Variants in ANKRD34C observed in about 807,000 individuals in gnomAD.
The protein encoded by ANKRD34C is ankyrin repeat domain-containing protein 34C.
For synonymous variants in ANKRD34C, 260 were observed against 253.6 expected (o/e 1.03, Z -0.24); for missense variants, 563 against 653.0 (o/e 0.86, Z 1.50).
In ANKRD34C at chr15:79,297,074, C is replaced by T. The variant is rs2058674092; in HGVS notation, c.*2182C>T. 1 of 167,058 alleles carries T rather than the reference C, an allele frequency of 6.0e-6. No homozygotes were observed. The highest frequency in any genetic ancestry group is 6.5e-5 in the Admixed American group (1 of 15,288). 10.3% of individuals were successfully genotyped at this position (167,058 alleles called of 1,614,324 possible). A position where few individuals can be genotyped will look rare whatever the true frequency, so the allele number is the denominator to read the frequency against. On this transcript the variant is annotated 3_prime_UTR_variant, in exon 2 of 2. Coordinates refer to ENST00000421388, the MANE Select transcript of ANKRD34C (RefSeq NM_001146341.2). ...GAAGAAAATAAGGAAAGCACATAAA[C>T]TAGCAAAAATCTATAGCTCATGAAC...
In ANKRD34C at chr15:79,295,909, A is replaced by G. The variant is rs909410931; in HGVS notation, c.*1017A>G. On this transcript the variant is annotated 3_prime_UTR_variant, in exon 2 of 2. Transcript: ENST00000421388. ...CATTTCCCCTTCAGTTATGTAAATA[A>G]TTGAAGAAAAATCTGGTTTCTTCTC... is the stretch of plus-strand genomic sequence containing the variant. The G allele has an allele frequency of 1.1e-4, 18 of 167,138 alleles. No individual in the cohort carries two copies. The highest frequency in any genetic ancestry group is 3.4e-4 in the African/African-American group (14 of 41,582). The allele number at this position is 167,138 out of a possible 1,614,324, so 10.4% of individuals were successfully genotyped here.
chr15:79,293,018 C>T (rs1332125951), intron 1 of ANKRD34C, among the ~76,000 whole-genome samples: 1 of 152,196 alleles, frequency 6.6e-6, no homozygotes. Flanking sequence ...CTTATGCAGT[C>T]TTTACAATGA....
In ANKRD34C at chr15:79,295,041, G is replaced by C; in HGVS notation, c.*149G>C. 1 of 869,546 alleles carries C rather than the reference G, an allele frequency of 1.2e-6. No homozygotes were observed. Among genetic ancestry groups the C allele is most frequent in the African/African-American group, 1.7e-5 (1 of 58,492 alleles). 53.9% of individuals were successfully genotyped at this position (869,546 alleles called of 1,614,324 possible). A position where few individuals can be genotyped will look rare whatever the true frequency, so the allele number is the denominator to read the frequency against. On this transcript the variant is annotated 3_prime_UTR_variant, in exon 2 of 2. Coordinates refer to ENST00000421388, the MANE Select transcript of ANKRD34C (RefSeq NM_001146341.2). ...GCTTCACTTCTGAGAATAATCCCTG[G>C]GTTTTTATAGGCCTACTTGAAAAGA...
intron 1 of ANKRD34C, among the ~76,000 whole-genome samples, chr15:79,286,115 T>C (rs1419959142): frequency 6.6e-6 from 1 of 151,988 alleles, no homozygotes; most frequent in East Asian, 1.9e-4. Flanking sequence ...ATTTTAATCT[T>C]CAGTATTTCC....
Position 79,293,655 on chromosome 15 carries a change from T to C in ANKRD34C, c.371T>C (p.Val124Ala). 6.4e-7 allele frequency: 1 copy of C among 1,551,624 alleles called. No individual in the cohort carries two copies. The highest frequency in any genetic ancestry group is 8.7e-7 in the Non-Finnish European group (1 of 1,146,968). ...LEDRTGASAL[V>A]YAINADDKDA... is the part of the protein sequence containing the mutation. The stretch of plus-strand genomic sequence containing the variant: ...GATCGCACTGGGGCTTCAGCTCTGG[T>C]TTATGCAATAAATGCAGATGACAAG... The change falls in exon 2 of 2, where the codon GTT (valine) becomes GCT (alanine). Residue 124 changes from valine to alanine, a missense_variant. Physicochemically the swap from Val to Ala is moderately conservative, Grantham distance 64. Transcript: ENST00000421388.
chr15:79,287,890 C>T (rs2058649437), intron 1 of ANKRD34C, among the ~76,000 whole-genome samples: 1 of 152,224 alleles, frequency 6.6e-6, no homozygotes, highest in African/African-American at 2.4e-5. Flanking sequence ...CTACAAACAG[C>T]CCAGCATAAC....
rs1176182097 is a variant in ANKRD34C at position 79,293,659 on chromosome 15, T to C, written c.375T>C (p.Tyr125=). 1 of 1,551,688 alleles carries C rather than the reference T, an allele frequency of 6.4e-7. No individual in the cohort carries two copies. Among genetic ancestry groups the C allele is most frequent in the Non-Finnish European group, 8.7e-7 (1 of 1,146,978 alleles). ...GCACTGGGGCTTCAGCTCTGGTTTA[T>C]GCAATAAATGCAGATGACAAGGATG... ...EDRTGASALV[Y]AINADDKDAL... Residue 125 remains tyrosine, a synonymous_variant, in exon 2 of 2, where the codon TAT becomes TAC. Transcript: ENST00000421388.
intron 1 of ANKRD34C, among the ~76,000 whole-genome samples, chr15:79,287,865 T>G (rs1295616295): frequency 6.6e-6 from 1 of 152,246 alleles, no homozygotes; most frequent in Admixed American, 6.5e-5. Context: ...ACGCAGCTCT[T>G]ACATCCAGAG....
At position 79,294,923 on chromosome 15, in the gene ANKRD34C, T is replaced by C. The variant is rs1176122793; in HGVS notation, c.*31T>C. On this transcript the variant is annotated 3_prime_UTR_variant, in exon 2 of 2. Coordinates refer to ENST00000421388, the MANE Select transcript of ANKRD34C (RefSeq NM_001146341.2). ...TTAGAAAGGCTTAAAATAGTCAATA[T>C]AGTTTATGGAAGGGACTATGGATGA... The C allele has an allele frequency of 2.0e-6, 3 of 1,490,782 alleles. No individual in the cohort carries two copies. Among genetic ancestry groups the C allele is most frequent in the Non-Finnish European group, 2.7e-6 (3 of 1,123,956 alleles). 92.3% of individuals were successfully genotyped at this position (1,490,782 alleles called of 1,614,324 possible). A position where few individuals can be genotyped will look rare whatever the true frequency, so the allele number is the denominator to read the frequency against.
At position 79,293,258 on chromosome 15, in the gene ANKRD34C, GCTCAGGTCCT is replaced by G. The variant is rs1239114056; in HGVS notation, c.-24_-15del. 21 of 1,478,902 alleles carry G rather than the reference GCTCAGGTCCT, an allele frequency of 1.4e-5. No individual in the cohort carries two copies. In the East Asian group the frequency reaches 4.9e-4, roughly 35 times the overall value. The allele number at this position is 1,478,902 out of a possible 1,614,324, so 91.6% of individuals were successfully genotyped here. On this transcript the variant is annotated 5_prime_UTR_variant, in exon 2 of 2. Transcript: ENST00000421388. ...TTTGCTAGGTTTGATTGCTACTGTG[GCTCAGGTCCT>G]CTAAACTGTAGCCAATATGATGGAT...
Position 79,294,468 on chromosome 15 carries a change from C to G in ANKRD34C, c.1184C>G (p.Ser395Cys), listed in dbSNP as rs1289052304. 1 of 1,551,720 alleles carries G rather than the reference C, an allele frequency of 6.4e-7. No homozygotes were observed. Among genetic ancestry groups the G allele is most frequent in the Non-Finnish European group, 8.7e-7 (1 of 1,146,990 alleles). Reference protein sequence around the residue: ...QPGPDPPNSISLESGKGPLDR... With the variant: ...QPGPDPPNSICLESGKGPLDR... ...GGGCCTGACCCTCCCAACTCCATTT[C>G]CCTTGAATCCGGCAAAGGACCTTTA... Residue 395 changes from serine to cysteine, a missense_variant, in exon 2 of 2, where the codon TCC becomes TGC. By Grantham distance (112) the Ser-to-Cys change is moderately radical (BLOSUM62 -1). Coordinates refer to ENST00000421388, the MANE Select transcript of ANKRD34C (RefSeq NM_001146341.2).
At chr15:79,292,502 G>A (rs1382790423) in intron 1 of ANKRD34C, among the ~76,000 whole-genome samples, 1 of 152,136 alleles carries the variant, frequency 6.6e-6, no homozygotes, top group Non-Finnish European at 1.5e-5. Context: ...GGAATAGCAT[G>A]GCTTTATTCT....
At chr15:79,288,876 A>G (rs2058652560) in intron 1 of ANKRD34C, among the ~76,000 whole-genome samples, 1 of 142,622 alleles carries the variant, frequency 7.0e-6, no homozygotes, top group Admixed American at 7.3e-5. Flanking sequence ...GCTGGAGTAC[A>G]ATGGTACGAT....
rs1462830791 is a variant in ANKRD34C at position 79,283,069 on chromosome 15, C to T, written c.-204C>T. On this transcript the variant is annotated 5_prime_UTR_variant, in exon 1 of 2. Coordinates refer to ENST00000421388, the MANE Select transcript of ANKRD34C (RefSeq NM_001146341.2). Reference sequence around the variant, plus strand: ...AGGACCCGCGGGGCCCGGGGTAGCCCCAGCTCCCGGCGCTGGTTCAGTCTG... The same window carrying T: ...AGGACCCGCGGGGCCCGGGGTAGCCTCAGCTCCCGGCGCTGGTTCAGTCTG... 6.6e-6 allele frequency among the ~76,000 whole-genome samples: 1 copy of T among 152,196 alleles called. No individual in the cohort carries two copies. Among genetic ancestry groups the T allele is most frequent in the African/African-American group, 2.4e-5 (1 of 41,450 alleles).
chr15:79,286,150 G>T (rs2058644083), intron 1 of ANKRD34C, among the ~76,000 whole-genome samples: 1 of 144,138 alleles, frequency 6.9e-6, no homozygotes, highest in Non-Finnish European at 1.5e-5. Context: ...GCCATTGGAA[G>T]ATATAGTGGC....
chr15:79,289,525 AC>A (rs2141201422), intron 1 of ANKRD34C, among the ~76,000 whole-genome samples: 1 of 152,256 alleles, frequency 6.6e-6, no homozygotes, highest in African/African-American at 2.4e-5. Context: ...TCTCCTACAT[AC>A]GCCATCTTTC....
Position 79,282,767 on chromosome 15 carries a change from GC to G in ANKRD34C, c.-505del, listed in dbSNP as rs1463689562. ...GGCTGGAGAGCTGCTCTCGGCGCCA[GC>G]GGGCAGCAGCGCGTCGTCAGCCAGC... is the stretch of plus-strand genomic sequence containing the variant. On this transcript the variant is annotated 5_prime_UTR_variant, in exon 1 of 2. Coordinates refer to ENST00000421388, the MANE Select transcript of ANKRD34C (RefSeq NM_001146341.2). Among the ~76,000 whole-genome samples, 6 of 152,362 alleles carry G rather than the reference GC, an allele frequency of 3.9e-5. No individual in the cohort carries two copies. In the East Asian group the frequency reaches 9.7e-4, roughly 25 times the overall value.
chr15:79,294,283 T>C lies in ANKRD34C; in HGVS notation c.999T>C (p.Tyr333=), dbSNP rs1394162502. The C allele has an allele frequency of 6.4e-7, 1 of 1,551,548 alleles. No homozygotes were observed. The highest frequency in any genetic ancestry group is 8.7e-7 in the Non-Finnish European group (1 of 1,146,966). Residue 333 remains tyrosine, a synonymous_variant, in exon 2 of 2, where the codon TAT becomes TAC. Transcript: ENST00000421388. ...CACCGGCATCCTGGAAAGCAGCCTA[T>C]GAGAAAGGTCAGGCTCCCCACCCAC... ...SSAPASWKAA[Y]EKGQAPHPRL...
At position 79,294,255 on chromosome 15, in the gene ANKRD34C, C is replaced by T; in HGVS notation, c.971C>T (p.Ser324Leu). Residue 324 changes from serine (S) to leucine (L), a missense_variant, in exon 2 of 2, where the codon TCA becomes TTA. Coordinates refer to ENST00000421388, the MANE Select transcript of ANKRD34C (RefSeq NM_001146341.2). ...TEQVLKIPVSSAPASWKAAYE... is the reference protein window; with the variant it reads ...TEQVLKIPVSLAPASWKAAYE... ...CAGGTTCTGAAGATTCCAGTCTCTT[C>T]AGCACCGGCATCCTGGAAAGCAGCC... The T allele has an allele frequency of 6.4e-7, 1 of 1,551,636 alleles. No homozygotes were observed. Among genetic ancestry groups the T allele is most frequent in the Non-Finnish European group, 8.7e-7 (1 of 1,146,952 alleles).
Sources: gnomAD v4.1 joint callset for allele counts (sites outside exome capture counted in the v4.1 genomes callset) on GRCh38, gnomAD v4.1.1 for gene constraint, MANE v1.5 for transcripts, NCBI Gene and HGNC (gene_info 2026-07-23, HGNC 2026-07-21) for gene names.